SORCS2: variants seen among roughly 807,000 people sequenced by gnomAD.
SORCS2 encodes the protein sortilin related VPS10 domain containing receptor 2.
A neutral mutation model predicts 141.6 loss-of-function variants in SORCS2; 100 were observed. The ratio of observed to expected loss-of-function variants is 0.71; its 90% confidence interval spans 0.60 to 0.83. The LOEUF (loss-of-function observed/expected upper bound fraction) is 0.83, where lower values mean the gene tolerates loss of function less well. Among genes scored for constraint, SORCS2 ranks in the 40% least tolerant of loss-of-function variants. The pLI is 0.00. For missense variants in SORCS2, 1,646 were observed against 1,560.2 expected (o/e 1.05, Z -0.93); for synonymous variants, 789 against 676.9 (o/e 1.17, Z -2.57).
chr4:7,225,378 C>T (rs1008543598), intron 1 of SORCS2, among the ~76,000 whole-genome samples: 4 of 152,230 alleles, frequency 2.6e-5, no homozygotes, highest in Non-Finnish European at 5.9e-5. Context: ...AGACCGGAAT[C>T]GTTCTCTGTT....
intron 2 of SORCS2, chr4:7,433,695 G>C (rs767750949): frequency 2.2e-5 from 36 of 1,612,672 alleles, no homozygotes; most frequent in Non-Finnish European, 2.8e-5. Context: ...ACCCATTGCA[G>C]AAGCTGCCCT....
chr4:7,245,373 C>T (rs145420866), intron 1 of SORCS2, among the ~76,000 whole-genome samples: 1 of 152,378 alleles, frequency 6.6e-6, no homozygotes, highest in African/African-American at 2.4e-5. Context: ...GAGCTCCTTG[C>T]TCCTCCGGGA....
chr4:7,386,984 A>T (rs1321085692), intron 1 of SORCS2, among the ~76,000 whole-genome samples: 2 of 42,110 alleles, frequency 4.7e-5, no homozygotes, highest in Non-Finnish European at 1.1e-4. Context: ...ACATGCACAC[A>T]CATGCCCACC....
intron 2 of SORCS2, among the ~76,000 whole-genome samples, chr4:7,473,012 G>A (rs1302384077): frequency 6.6e-6 from 1 of 152,086 alleles, no homozygotes; most frequent in Non-Finnish European, 1.5e-5. Context: ...GGAGCCCCTG[G>A]CCTGTGGGGT....
At chr4:7,564,416 T>A (rs909177046) in intron 3 of SORCS2, among the ~76,000 whole-genome samples, 1 of 152,302 alleles carries the variant, frequency 6.6e-6, no homozygotes, top group African/African-American at 2.4e-5. Context: ...GTGTCCAAAT[T>A]TCCCCTTTCT....
intron 3 of SORCS2, among the ~76,000 whole-genome samples, chr4:7,621,377 CTATGTGTGAGTGTT>C (rs1719163278): frequency 6.6e-6 from 1 of 150,736 alleles, no homozygotes; most frequent in Admixed American, 6.6e-5. Flanking sequence ...GTTTGTGTGT[CTATGTGTGAGTGTT>C]TATGTGTGTG....
chr4:7,587,240 T>C (rs970233275), intron 3 of SORCS2, among the ~76,000 whole-genome samples: 9 of 151,436 alleles, frequency 5.9e-5, no homozygotes, highest in Non-Finnish European at 5.9e-5. Flanking sequence ...AGTTGAGGGG[T>C]TTTAGGTAAT....
Position 7,248,829 on chromosome 4 carries a change from T to C in SORCS2, c.480+55703T>C, listed in dbSNP as rs926825300. Among the ~76,000 whole-genome samples the C allele has an allele frequency of 3.3e-5, 5 of 152,216 alleles. No homozygotes were observed. The East Asian group carries it at 9.6e-4, about 29-fold the overall frequency. ...ATTCCATTCGTGGCCTGAGAAAGGCTGGCTTCTGTGTTAGGCCAGGGTATG... is the reference window on the plus strand; with the variant it reads ...ATTCCATTCGTGGCCTGAGAAAGGCCGGCTTCTGTGTTAGGCCAGGGTATG... On this transcript the variant is annotated intron_variant, in intron 1 of 26. Transcript: ENST00000507866.
intron 3 of SORCS2, among the ~76,000 whole-genome samples, chr4:7,531,846 G>A (rs1021232522): frequency 3.3e-5 from 5 of 152,250 alleles, no homozygotes; most frequent in South Asian, 2.1e-4. Context: ...GGAAGGCACC[G>A]CCTGCATACC....
intron 1 of SORCS2, among the ~76,000 whole-genome samples, chr4:7,204,875 C>T (rs990221310): frequency 2.0e-5 from 3 of 152,210 alleles, no homozygotes; most frequent in South Asian, 2.1e-4. Flanking sequence ...AGACCATTCC[C>T]GGAGGCATTG....
chr4:7,414,397 A>G (rs1052612982), intron 2 of SORCS2, among the ~76,000 whole-genome samples: 7 of 152,224 alleles, frequency 4.6e-5, no homozygotes, highest in African/African-American at 1.7e-4. Flanking sequence ...GGGAAGGGCA[A>G]GTGGAACAGA....
rs1726040779 is a variant in SORCS2, at chr4:7,714,320, C to A, written c.2070C>A (p.Phe690Leu). ...STSWCIKGRSFTSALTSRVCE... is the reference protein window; with the variant it reads ...STSWCIKGRSLTSALTSRVCE... ...CCTGGTGCATCAAGGGGAGGAGCTT[C>A]ACGTCGGCGCTCACGTCCCGCGTGT... Residue 690 changes from phenylalanine (F) to leucine (L), a missense_variant, in exon 16 of 27, where the codon TTC becomes TTA. Coordinates refer to ENST00000507866, the MANE Select transcript of SORCS2 (RefSeq NM_020777.3). The A allele has an allele frequency of 6.3e-7, 1 of 1,588,240 alleles. No homozygotes were observed. Among genetic ancestry groups the A allele is most frequent in the Admixed American group, 1.8e-5 (1 of 56,558 alleles).
Position 7,574,651 on chromosome 4 carries a change from G to A in SORCS2, c.648+43022G>A, listed in dbSNP as rs186103548. ...AGGAGAGAAGGGAGGAAGGGAGGGA[G>A]AGAGAGGAGATGGCTGAGTATTTAC... On this transcript the variant is annotated intron_variant, in intron 3 of 26. Coordinates refer to ENST00000507866, the MANE Select transcript of SORCS2 (RefSeq NM_020777.3). 3.6e-3 allele frequency among the ~76,000 whole-genome samples: 553 copies of A among 152,128 alleles called. 23 individuals carry two copies. Among genetic ancestry groups the A allele is most frequent in the Admixed American group, 0.033 (497 of 15,276 alleles).
intron 1 of SORCS2, among the ~76,000 whole-genome samples, chr4:7,227,058 G>A (rs997275916): frequency 1.3e-5 from 2 of 151,730 alleles, no homozygotes; most frequent in Admixed American, 1.3e-4. Flanking sequence ...TGCACCTGTG[G>A]GTACTCTTAT....
chr4:7,464,039 T>G (rs1341546458), intron 2 of SORCS2, among the ~76,000 whole-genome samples: 1 of 152,232 alleles, frequency 6.6e-6, no homozygotes, highest in Non-Finnish European at 1.5e-5. Flanking sequence ...CATTAACTCA[T>G]TCAGTCAGGA....
chr4:7,286,178 G>T lies in SORCS2; in HGVS notation c.480+93052G>T, dbSNP rs1379190264. ...CTAGAGTCTCCAGCTGGGTCTCCAG[G>T]CCTGTGCCGGTCCTCACTGCACGAC... On this transcript the variant is annotated intron_variant, in intron 1 of 26. Transcript: ENST00000507866. The surrounding 1 kb of genome is among the most constrained non-coding windows in gnomAD (Gnocchi z 4.1). 1.3e-5 allele frequency among the ~76,000 whole-genome samples: 2 copies of T among 152,204 alleles called. No homozygotes were observed. Among genetic ancestry groups the T allele is most frequent in the Non-Finnish European group, 2.9e-5 (2 of 68,038 alleles).
intron 26 of SORCS2, among the ~76,000 whole-genome samples, chr4:7,739,467 T>C (rs1044709153): frequency 4.6e-5 from 7 of 152,138 alleles, no homozygotes; most frequent in African/African-American, 1.4e-4. Flanking sequence ...GGTAGTAAGA[T>C]TCATGCAGCC....
At chr4:7,280,778 G>A (rs1302989315) in intron 1 of SORCS2, among the ~76,000 whole-genome samples, 3 of 152,166 alleles carry the variant, frequency 2.0e-5, no homozygotes, top group East Asian at 1.9e-4. Flanking sequence ...TACTGCATAC[G>A]ATGATTGTAG....
At chr4:7,525,461 G>A (rs774553633) in intron 2 of SORCS2, among the ~76,000 whole-genome samples, 3 of 151,888 alleles carry the variant, frequency 2.0e-5, no homozygotes, top group Non-Finnish European at 4.4e-5. Flanking sequence ...CCCCCCAACC[G>A]TGCTTCACCC....
Sources: gnomAD v4.1 joint callset for allele counts (sites outside exome capture counted in the v4.1 genomes callset) on GRCh38, gnomAD v4.1.1 for gene constraint, Gnocchi (gnomAD v3.1) non-coding constraint, MANE v1.5 for transcripts, NCBI Gene and HGNC (gene_info 2026-07-23, HGNC 2026-07-21) for gene names.